Variants in ERBB4 observed in about 807,000 individuals in gnomAD.
The protein encoded by ERBB4 is erb-b2 receptor tyrosine kinase 4.
A neutral mutation model predicts 158.0 loss-of-function variants in ERBB4; 42 were observed. The observed-to-expected ratio is 0.27, with a 90% confidence interval of 0.21 to 0.34. The LOEUF is 0.34. Among genes scored for constraint, ERBB4 ranks in the 10% least tolerant of loss-of-function variants. The pLI is 1.00. For missense variants in ERBB4, 1,333 were observed against 1,624.1 expected (o/e 0.82, Z 3.08); for synonymous variants, 583 against 558.7 (o/e 1.04, Z -0.61).
At chr2:212,301,475 G>C (rs1162630019) in intron 1 of ERBB4, among the ~76,000 whole-genome samples, 2 of 151,360 alleles carry the variant, frequency 1.3e-5, no homozygotes, top group Non-Finnish European at 3.0e-5. Flanking sequence ...GTCTTAATCT[G>C]TGTTATATCA....
intron 16 of ERBB4, among the ~76,000 whole-genome samples, chr2:211,652,091 C>A (rs1435694114): frequency 6.6e-6 from 1 of 152,180 alleles, no homozygotes; most frequent in East Asian, 1.9e-4. Flanking sequence ...GTAAAAGCCA[C>A]TTTTGCAACT....
chr2:212,226,985 C>T (rs369227945), intron 1 of ERBB4, among the ~76,000 whole-genome samples: 52 of 152,104 alleles, frequency 3.4e-4, no homozygotes, highest in Non-Finnish European at 6.9e-4. Flanking sequence ...ATGGCTCACG[C>T]CTGTAATCCT....
At chr2:212,481,448 G>T (rs1689693481) in intron 1 of ERBB4, among the ~76,000 whole-genome samples, 1 of 152,140 alleles carries the variant, frequency 6.6e-6, no homozygotes, top group Non-Finnish European at 1.5e-5. Context: ...AGCATAAAGA[G>T]ATTCTAGTAG....
At chr2:212,404,025 A>C (rs1030347985) in intron 1 of ERBB4, among the ~76,000 whole-genome samples, 4 of 152,024 alleles carry the variant, frequency 2.6e-5, no homozygotes, top group African/African-American at 9.7e-5. Context: ...AGATGGCTTC[A>C]AACTACTTAA....
At chr2:212,494,561 TC>T (rs1055293246) in intron 1 of ERBB4, among the ~76,000 whole-genome samples, 3 of 151,984 alleles carry the variant, frequency 2.0e-5, no homozygotes, top group African/African-American at 7.2e-5. Flanking sequence ...TATTCATTAA[TC>T]CCCAGGAAAT....
chr2:212,502,925 C>G (rs767984211), intron 1 of ERBB4, among the ~76,000 whole-genome samples: 4 of 152,114 alleles, frequency 2.6e-5, no homozygotes, highest in African/African-American at 4.8e-5. Context: ...AACATGCCAC[C>G]ATGCCCAGCT....
intron 1 of ERBB4, among the ~76,000 whole-genome samples, chr2:212,185,021 C>CTTTTTTTTTTTCTTTTTTTTTTTTTTT (rs1553584050): frequency 7.5e-6 from 1 of 132,514 alleles, no homozygotes; most frequent in African/African-American, 2.8e-5. Context: ...ACTTTTTTTT[C>CTTTTTTTTTTTCTTTTTTTTTTTTTTT]TTTTTTTTTT....
intron 1 of ERBB4, among the ~76,000 whole-genome samples, chr2:212,365,258 CTT>C (rs766796060): frequency 1.1e-4 from 16 of 151,612 alleles, no homozygotes; most frequent in Non-Finnish European, 2.4e-4. Context: ...CTTGTGAACT[CTT>C]TGGTTTTCTT....
At chr2:211,901,537 C>T (rs529112730) in intron 3 of ERBB4, among the ~76,000 whole-genome samples, 18 of 152,206 alleles carry the variant, frequency 1.2e-4, no homozygotes, top group East Asian at 3.9e-4. Context: ...CAATGACTAC[C>T]GAAGGGTAAC....
intron 21 of ERBB4, among the ~76,000 whole-genome samples, chr2:211,429,331 T>TA (rs1253843248): frequency 6.6e-6 from 1 of 152,124 alleles, no homozygotes; most frequent in Non-Finnish European, 1.5e-5. Context: ...CTAAAACGCC[T>TA]AAAATCATGA....
At position 212,394,003 on chromosome 2, in the gene ERBB4, T is replaced by C. The variant is rs572827139; in HGVS notation, c.82+144446A>G. Among the ~76,000 whole-genome samples the C allele has an allele frequency of 4.6e-5, 7 of 152,274 alleles. No homozygotes were observed. In the South Asian group the frequency reaches 1.2e-3, roughly 27 times the overall value. On this transcript the variant is annotated intron_variant, in intron 1 of 27. Coordinates refer to ENST00000342788, the MANE Select transcript of ERBB4 (RefSeq NM_005235.3). ...GCAAAATTTCTATTAGTCTGAGTTG[T>C]TGAATGACTATGTGGTATAGAATCC...
At chr2:211,902,581 T>G (rs2079265481) in intron 3 of ERBB4, among the ~76,000 whole-genome samples, 1 of 151,890 alleles carries the variant, frequency 6.6e-6, no homozygotes, top group African/African-American at 2.4e-5. Flanking sequence ...TTTTCTAGAA[T>G]GAGTTTTGAT....
intron 1 of ERBB4, among the ~76,000 whole-genome samples, chr2:212,168,334 T>C (rs2081411828): frequency 6.6e-6 from 1 of 152,178 alleles, no homozygotes; most frequent in Non-Finnish European, 1.5e-5. Flanking sequence ...CAGTGTGTTC[T>C]ATGAAATGAA....
chr2:212,169,581 C>T (rs1213966802), intron 1 of ERBB4, among the ~76,000 whole-genome samples: 1 of 152,086 alleles, frequency 6.6e-6, no homozygotes, highest in Non-Finnish European at 1.5e-5. Context: ...TAGGCAATAC[C>T]ATTCAGGACA....
At chr2:212,076,780 G>C (rs941283482) in intron 2 of ERBB4, among the ~76,000 whole-genome samples, 8 of 151,728 alleles carry the variant, frequency 5.3e-5, no homozygotes, top group Non-Finnish European at 1.0e-4. Flanking sequence ...AAAAGAGTTT[G>C]TTTATAAGAT....
rs778395712 is a variant in ERBB4, at chr2:211,388,037, T to C, written c.3136-45A>G. ...GAATGATGGATATAATAAGAGGCAATATGAATGAAAAAATTAAAAAAAGAA... is the reference window on the plus strand; with the variant it reads ...GAATGATGGATATAATAAGAGGCAACATGAATGAAAAAATTAAAAAAAGAA... On this transcript the variant is annotated intron_variant, in intron 25 of 27. Coordinates refer to ENST00000342788, the MANE Select transcript of ERBB4 (RefSeq NM_005235.3). The C allele has an allele frequency of 2.2e-5, 30 of 1,370,042 alleles. No homozygotes were observed. In the African/African-American group the frequency reaches 3.3e-4, roughly 15 times the overall value. The allele number at this position is 1,370,042 out of a possible 1,614,324, so 84.9% of individuals were successfully genotyped here. A position where few individuals can be genotyped will look rare whatever the true frequency, so the allele number is the denominator to read the frequency against.
intron 20 of ERBB4, among the ~76,000 whole-genome samples, chr2:211,467,772 C>T (rs1198793203): frequency 6.6e-6 from 1 of 152,130 alleles, no homozygotes; most frequent in East Asian, 1.9e-4. Flanking sequence ...CTTGTGGAAA[C>T]TGTAAATCCA....
intron 1 of ERBB4, among the ~76,000 whole-genome samples, chr2:212,134,772 C>T (rs2125591937): frequency 6.7e-6 from 1 of 149,664 alleles, no homozygotes; most frequent in Non-Finnish European, 1.5e-5. Context: ...CAAGCTCTGC[C>T]TCCCGGGTTC....
chr2:211,594,116 C>T (rs1472019706), intron 19 of ERBB4, among the ~76,000 whole-genome samples: 1 of 151,994 alleles, frequency 6.6e-6, no homozygotes, highest in African/African-American at 2.4e-5. Context: ...TGGAACCCAA[C>T]CGATAACAAC....
Sources: gnomAD v4.1 joint callset for allele counts (sites outside exome capture counted in the v4.1 genomes callset) on GRCh38, gnomAD v4.1.1 for gene constraint, MANE v1.5 for transcripts, NCBI Gene and HGNC (gene_info 2026-07-23, HGNC 2026-07-21) for gene names.